ADCY3: variants seen among roughly 807,000 people sequenced by gnomAD.
ADCY3 encodes the protein adenylate cyclase 3.
A neutral mutation model predicts 119.4 loss-of-function variants in ADCY3; 70 were observed. That is an observed-to-expected ratio of 0.59 (90% CI 0.48 to 0.72). The LOEUF (loss-of-function observed/expected upper bound fraction) is 0.72. ADCY3 is among the 30% of genes least tolerant of loss of function. The pLI is 0.00. For synonymous variants in ADCY3, 672 were observed against 621.4 expected, an observed-to-expected ratio of 1.08 and a Z score of -1.21; for missense variants, 1,238 against 1,541.6, an observed-to-expected ratio of 0.80 and a Z score of 3.30.
At chr2:24,884,090 T>C (rs145260405) in intron 2 of ADCY3, among the ~76,000 whole-genome samples, 96 of 152,316 alleles carry the variant, frequency 6.3e-4, no homozygotes, top group African/African-American at 2.2e-3. Context: ...TCTCACAGCC[T>C]TCCCAGGGAC....
chr2:24,885,682 C>T (rs1373852444), intron 2 of ADCY3, among the ~76,000 whole-genome samples: 1 of 152,198 alleles, frequency 6.6e-6, no homozygotes, highest in Non-Finnish European at 1.5e-5. Context: ...CCTGGTCCTG[C>T]CAATCCACCC....
intron 11 of ADCY3, among the ~76,000 whole-genome samples, chr2:24,833,889 CTG>C (rs1464952844): frequency 2.0e-5 from 3 of 152,266 alleles, no homozygotes; most frequent in Admixed American, 6.5e-5. Context: ...TCCTGACAAA[CTG>C]TAATCCCAGC....
chr2:24,823,492 ATTTT>A, intron 17 of ADCY3, 137 bp from the exon 18 acceptor site: 6 of 659,640 alleles, frequency 9.1e-6, no homozygotes, highest in East Asian at 3.8e-5. Flanking sequence ...TTATTCCAGC[ATTTT>A]TTTTTTTTTT....
intron 2 of ADCY3, among the ~76,000 whole-genome samples, chr2:24,896,135 C>T (rs969579323): frequency 7.9e-5 from 12 of 152,138 alleles, no homozygotes; most frequent in African/African-American, 2.9e-4. Context: ...CCTGTAATCC[C>T]AGCACTTTGG....
intron 3 of ADCY3, among the ~76,000 whole-genome samples, chr2:24,864,449 C>A (rs1674046482): frequency 1.3e-5 from 2 of 152,114 alleles, no homozygotes; most frequent in East Asian, 3.8e-4. Context: ...CACAGCAGCA[C>A]CATTCCCAAT....
At chr2:24,843,710 G>T (rs1273745091) in intron 3 of ADCY3, among the ~76,000 whole-genome samples, 1 of 152,072 alleles carries the variant, frequency 6.6e-6, no homozygotes, top group Non-Finnish European at 1.5e-5. Flanking sequence ...GCAAAGACAG[G>T]GTTTGGTTCT....
In ADCY3 at chr2:24,834,814, A is replaced by G; in HGVS notation, c.1785T>C (p.Leu595=). The G allele has an allele frequency of 6.2e-7, 1 of 1,613,756 alleles. No homozygotes were observed. Among genetic ancestry groups the G allele is most frequent in the Non-Finnish European group, 8.5e-7 (1 of 1,179,908 alleles). Residue 595 remains leucine (L), a synonymous_variant, in exon 10 of 22, where the codon CTT becomes CTC. Coordinates refer to ENST00000679454, the MANE Select transcript of ADCY3 (RefSeq NM_004036.5). This position sits in a 1 kb window ranked among gnomAD's most constrained non-coding sequence, Gnocchi z 4.2. The part of the protein sequence containing the change: ...ELNQLLNEAL[L]ERESAQVVKK... ...CTTACACTTGGGCGGACTCTCGCTC[A>G]AGCAGGGCCTCGTTGAGCAGCTGGT...
chr2:24,826,314 C>T, intron 15 of ADCY3, 188 bp from the exon 16 acceptor site: 1 of 575,746 alleles, frequency 1.7e-6, no homozygotes, highest in Non-Finnish European at 3.1e-6. Flanking sequence ...CTGGGCTCCT[C>T]TCCAACAGCC....
chr2:24,824,293 C>T, intron 17 of ADCY3, 85 bp downstream of exon 17: 1 of 1,541,690 alleles, frequency 6.5e-7, no homozygotes, highest in South Asian at 1.2e-5. Flanking sequence ...CCTGAGAAGG[C>T]CTGGGCCCAG....
intron 19 of ADCY3, 194 bp from the exon 20 acceptor site, chr2:24,821,834 T>C: frequency 1.3e-6 from 1 of 748,440 alleles, no homozygotes; most frequent in Middle Eastern, 4.2e-4. Flanking sequence ...GTAGCAGGTC[T>C]AGGCAAAGAC....
At chr2:24,876,344 A>G (rs1328774709) in intron 2 of ADCY3, among the ~76,000 whole-genome samples, 1 of 152,184 alleles carries the variant, frequency 6.6e-6, no homozygotes, top group Non-Finnish European at 1.5e-5. Context: ...GCCCTATAGC[A>G]CTTAGGTGTG....
intron 3 of ADCY3, among the ~76,000 whole-genome samples, chr2:24,856,641 A>G (rs1673034256): frequency 6.6e-6 from 1 of 152,190 alleles, no homozygotes; most frequent in Non-Finnish European, 1.5e-5. Context: ...AATGTGTGAA[A>G]TCTGGAAACT....
chr2:24,886,946 C>T lies in ADCY3; in HGVS notation c.676-14227G>A, dbSNP rs1303254281. 2.0e-5 allele frequency among the ~76,000 whole-genome samples: 3 copies of T among 152,364 alleles called. No homozygotes were observed. In the East Asian group the frequency reaches 5.8e-4, roughly 29 times the overall value. On this transcript the variant is annotated intron_variant, in intron 2 of 21. Coordinates refer to ENST00000679454, the MANE Select transcript of ADCY3 (RefSeq NM_004036.5). ...GCAAATCACCAACTCGACAGTCCCC[C>T]ACAAGTGACACCCCGTGGCTCACTC...
At chr2:24,845,561 G>A (rs932487479) in intron 3 of ADCY3, among the ~76,000 whole-genome samples, 5 of 152,246 alleles carry the variant, frequency 3.3e-5, no homozygotes, top group African/African-American at 4.8e-5. Flanking sequence ...CATTCAAGAC[G>A]TGACTTGGGT....
intron 2 of ADCY3, among the ~76,000 whole-genome samples, chr2:24,912,856 G>A (rs537707478): frequency 2.2e-4 from 34 of 152,166 alleles, no homozygotes; most frequent in Non-Finnish European, 4.1e-4. Flanking sequence ...TACACAGATC[G>A]GGGTCAGAAA....
At position 24,918,511 on chromosome 2, in the gene ADCY3, G is replaced by A. The variant is rs748283450; in HGVS notation, c.477C>T (p.Phe159=). Residue 159 remains phenylalanine, a synonymous_variant, in exon 2 of 22, where the codon TTC becomes TTT. Transcript: ENST00000679454. This position sits in a 1 kb window ranked among gnomAD's most constrained non-coding sequence, Gnocchi z 5.4. ...TGTCACTAGCCGCGTGGGCACGCGC[G>A]AAGTTCAGGCCCAGGTAGGAGAAGA... The part of the protein sequence containing the change: ...AQIFSYLGLN[F]ARAHAASDTV... 16 of 1,613,878 alleles carry A rather than the reference G, an allele frequency of 9.9e-6. No homozygotes were observed. Among genetic ancestry groups the A allele is most frequent in the South Asian group, 2.2e-5 (2 of 91,062 alleles).
At chr2:24,853,001 GGA>G in intron 3 of ADCY3, among the ~76,000 whole-genome samples, 1 of 135,148 alleles carries the variant, frequency 7.4e-6, no homozygotes, top group South Asian at 2.5e-4. Context: ...AGGAACAGCT[GGA>G]GGGTGTGTGT....
Position 24,918,837 on chromosome 2 carries a change from G to C in ADCY3, c.151C>G (p.Arg51Gly), listed in dbSNP as rs780060996. 2.5e-6 allele frequency: 4 copies of C among 1,613,648 alleles called. No homozygotes were observed. In the East Asian group the frequency reaches 8.9e-5, roughly 36 times the overall value. Reference protein sequence around the residue: ...RNSGSCLCLPRFMRLTFVPES... With the variant: ...RNSGSCLCLPGFMRLTFVPES... The stretch of plus-strand genomic sequence containing the variant: ...GGCACGAAAGTCAGCCGCATGAAGC[G>C]AGGCAGGCACAGGCAGGAGCCCGAG... The change falls in exon 2 of 22, where the codon CGC (arginine) becomes GGC (glycine). Residue 51 changes from arginine (R) to glycine (G), a missense_variant. Physicochemically the swap from Arg to Gly is moderately radical, Grantham distance 125 (BLOSUM62 -2). Around this residue, in one of 7 missense-constraint regions of ADCY3, gnomAD observed 227 missense variants for 249.3 expected, o/e 0.91. Transcript: ENST00000679454. The surrounding 1 kb of genome is among the most constrained non-coding windows in gnomAD (Gnocchi z 5.4).
rs764061379 is a variant in ADCY3 at position 24,820,834 on chromosome 2, C to T, written c.3142G>A (p.Gly1048Arg). 5.0e-6 allele frequency: 8 copies of T among 1,614,074 alleles called. No individual in the cohort carries two copies. The highest frequency in any genetic ancestry group is 6.8e-6 in the Non-Finnish European group (8 of 1,179,980). Residue 1048 changes from glycine to arginine, a missense_variant, in exon 21 of 22, where the codon GGG (glycine) becomes AGG (arginine). Physicochemically the swap from Gly to Arg is moderately radical, Grantham distance 125. Transcript: ENST00000679454. ...FMLRIGMNKG[G>R]VLAGVIGARK... ...GCTCCGATGACCCCAGCCAGAACCC[C>T]GCCTTTGTTCATGCCTAGGGTAGAG... is the stretch of plus-strand genomic sequence containing the variant.
Sources: gnomAD v4.1 joint callset for allele counts (sites outside exome capture counted in the v4.1 genomes callset) on GRCh38, gnomAD v4.1.1 for gene constraint, gnomAD v4.1.1 regional missense constraint, Gnocchi (gnomAD v3.1) non-coding constraint, MANE v1.5 for transcripts, NCBI Gene and HGNC (gene_info 2026-07-23, HGNC 2026-07-21) for gene names.